PCSK5: variants seen among roughly 807,000 people sequenced by gnomAD.
PCSK5 encodes the protein proprotein convertase subtilisin/kexin type 5, also known as prohormone convertase 5.
In PCSK5, 129 loss-of-function variants were observed where a neutral mutation model predicts 233.2. The ratio of observed to expected loss-of-function variants is 0.55; its 90% CI spans 0.48 to 0.64. The LOEUF is 0.64. Ranked by LOEUF, PCSK5 falls within the 30% of genes least tolerant of loss-of-function variation. The pLI, the probability that PCSK5 is intolerant of heterozygous loss-of-function variation, is 0.00. For missense variants in PCSK5, 2,076 were observed against 2,430.1 expected, an observed-to-expected ratio of 0.85 and a Z score of 3.06; for synonymous variants, 825 against 879.2, an observed-to-expected ratio of 0.94 and a Z score of 1.09.
chr9:76,226,044 A>C (rs1311452200), intron 20 of PCSK5, among the ~76,000 whole-genome samples: 2 of 152,310 alleles, frequency 1.3e-5, no homozygotes, highest in South Asian at 2.1e-4. Flanking sequence ...TAAGAATCAC[A>C]GTCCCATTCC....
chr9:76,063,348 T>TTTTTTA (rs1564004101), intron 5 of PCSK5, among the ~76,000 whole-genome samples: 10 of 90,706 alleles, frequency 1.1e-4, no homozygotes, highest in South Asian at 8.2e-4. Context: ...TTTTTTTTTT[T>TTTTTTA]ATTGATAATT....
chr9:76,133,066 C>T lies in PCSK5; in HGVS notation c.1209-1043C>T, dbSNP rs1822826100. Among the ~76,000 whole-genome samples the T allele has an allele frequency of 2.0e-5, 3 of 152,054 alleles. No homozygotes were observed. In the South Asian group the frequency reaches 6.2e-4, roughly 32 times the overall value. On this transcript the variant is annotated intron_variant, in intron 9 of 37. Coordinates refer to ENST00000674117, the MANE Select transcript of PCSK5 (RefSeq NM_001372043.1). ...AGAAAGACTACCCCAAGCCCCATCA[C>T]ACCTCAAGGCAGGTAGTGAGTAATT... is the stretch of plus-strand genomic sequence containing the variant.
At chr9:76,136,160 G>A (rs930607376) in intron 10 of PCSK5, among the ~76,000 whole-genome samples, 1 of 151,716 alleles carries the variant, frequency 6.6e-6, no homozygotes, top group African/African-American at 2.4e-5. Flanking sequence ...CAGTGGGATT[G>A]TTTTGTAATT....
At chr9:76,271,348 T>C (rs1330336314) in intron 24 of PCSK5, among the ~76,000 whole-genome samples, 2 of 152,234 alleles carry the variant, frequency 1.3e-5, no homozygotes, top group Non-Finnish European at 2.9e-5. Context: ...CATCTGGGCA[T>C]ATGAGTTCCT....
rs559864152 is a variant in PCSK5, at chr9:75,894,325, G to A, written c.192+2952G>A. On this transcript the variant is annotated intron_variant, in intron 1 of 37. Coordinates refer to ENST00000674117, the MANE Select transcript of PCSK5 (RefSeq NM_001372043.1). ...TAGCATCTTAGCATTTGAAAGTCAC[G>A]AGAGGTAAGATTTCTGGCCAGGGCA... Among the ~76,000 whole-genome samples, 6 of 152,158 alleles carry A rather than the reference G, an allele frequency of 3.9e-5. No homozygotes were observed. In the East Asian group the frequency reaches 1.2e-3, roughly 29 times the overall value.
intron 20 of PCSK5, among the ~76,000 whole-genome samples, chr9:76,212,830 C>T (rs890193346): frequency 3.3e-5 from 5 of 152,100 alleles, no homozygotes; most frequent in Non-Finnish European, 5.9e-5. Context: ...TTTTTTTGCA[C>T]CTATGGAAAC....
chr9:75,988,899 G>A (rs751876314), intron 3 of PCSK5, among the ~76,000 whole-genome samples: 17 of 152,164 alleles, frequency 1.1e-4, no homozygotes, highest in Admixed American at 4.6e-4. Context: ...ACAACATCCT[G>A]TCTCCACCCT....
chr9:76,158,707 G>C (rs1438120578), intron 11 of PCSK5, among the ~76,000 whole-genome samples: 1 of 152,144 alleles, frequency 6.6e-6, no homozygotes, highest in African/African-American at 2.4e-5. Context: ...CCAGCAATCT[G>C]TGTTTTAACA....
chr9:76,265,335 C>T (rs1827302365), intron 24 of PCSK5, among the ~76,000 whole-genome samples: 1 of 151,822 alleles, frequency 6.6e-6, no homozygotes, highest in African/African-American at 2.4e-5. Context: ...TACCCTAAAC[C>T]ACAGTGTCAC....
At chr9:76,120,132 T>C (rs1408642114) in intron 9 of PCSK5, among the ~76,000 whole-genome samples, 1 of 152,080 alleles carries the variant, frequency 6.6e-6, no homozygotes, top group Non-Finnish European at 1.5e-5. Flanking sequence ...AGGATGTAAA[T>C]TGAGTTTTTA....
At chr9:76,030,731 G>A (rs1395363405) in intron 5 of PCSK5, among the ~76,000 whole-genome samples, 1 of 151,884 alleles carries the variant, frequency 6.6e-6, no homozygotes, top group East Asian at 1.9e-4. Context: ...TTGAATATTG[G>A]CTTTGATGGC....
At chr9:76,146,880 C>G (rs1008409863) in intron 10 of PCSK5, among the ~76,000 whole-genome samples, 6 of 152,020 alleles carry the variant, frequency 3.9e-5, no homozygotes, top group Admixed American at 6.6e-5. Context: ...GTGAATAATA[C>G]CATCTTGCTA....
At chr9:76,189,440 A>C (rs1175565524) in intron 19 of PCSK5, among the ~76,000 whole-genome samples, 191 bp from the exon 20 acceptor site, 1 of 152,204 alleles carries the variant, frequency 6.6e-6, no homozygotes. Flanking sequence ...TTCAATTTCA[A>C]GTACATGCTC....
At chr9:76,287,762 A>T (rs956612205) in intron 24 of PCSK5, 1 of 179,648 alleles carries the variant, frequency 5.6e-6, no homozygotes, top group Non-Finnish European at 1.2e-5. Context: ...CCCGGCCAGC[A>T]TGTCCTCTTT....
chr9:76,135,908 G>A (rs1822951630), intron 10 of PCSK5, among the ~76,000 whole-genome samples: 1 of 152,058 alleles, frequency 6.6e-6, no homozygotes, highest in African/African-American at 2.4e-5. Flanking sequence ...TAACAAAAAT[G>A]CAGCTCTTCT....
In PCSK5 at chr9:76,328,064, G is replaced by A. The variant is rs1364262859; in HGVS notation, c.4395G>A (p.Gln1465=). ...CATCTGGGACCTGCACCACCTGTCAGAAAGGCCTGATCATGAACCCTCGTG... is the reference window on the plus strand; with the variant it reads ...CATCTGGGACCTGCACCACCTGTCAAAAAGGCCTGATCATGAACCCTCGTG... The part of the protein sequence containing the change: ...CSSSGTCTTC[Q]KGLIMNPRGS... The change falls in exon 33 of 38, where the codon CAG becomes CAA. Residue 1465 remains glutamine (Q), a synonymous_variant. Coordinates refer to ENST00000674117, the MANE Select transcript of PCSK5 (RefSeq NM_001372043.1). The A allele has an allele frequency of 6.2e-6, 10 of 1,612,772 alleles. No individual in the cohort carries two copies. Among genetic ancestry groups the A allele is most frequent in the Non-Finnish European group, 8.5e-6 (10 of 1,179,866 alleles).
chr9:76,061,026 A>G (rs1830010204), intron 5 of PCSK5, among the ~76,000 whole-genome samples: 1 of 152,186 alleles, frequency 6.6e-6, no homozygotes, highest in Non-Finnish European at 1.5e-5. Context: ...ATAGTCACTA[A>G]ATATCTTTTT....
In PCSK5 at chr9:76,159,073, C is replaced by T. The variant is rs759164453; in HGVS notation, c.1521C>T (p.His507=). Residue 507 remains histidine, a synonymous_variant, in exon 12 of 38, where the codon CAC becomes CAT. Coordinates refer to ENST00000674117, the MANE Select transcript of PCSK5 (RefSeq NM_001372043.1). ...NPNRHVNYLE[H]VVVRITITHP... ...ACCGCCATGTCAACTACCTGGAGCA[C>T]GTCGTTGTGCGCATCACCATCACCC... 13 of 1,614,060 alleles carry T rather than the reference C, an allele frequency of 8.1e-6. No individual in the cohort carries two copies. The highest frequency in any genetic ancestry group is 1.7e-4 in the Middle Eastern group (1 of 6,060).
chr9:76,343,048 A>G (rs1006215251), intron 35 of PCSK5, among the ~76,000 whole-genome samples: 3 of 152,142 alleles, frequency 2.0e-5, no homozygotes, highest in Non-Finnish European at 4.4e-5. Context: ...TACCTTTAGC[A>G]TTAGTCACCC....
Sources: gnomAD v4.1 joint callset for allele counts (sites outside exome capture counted in the v4.1 genomes callset) on GRCh38, gnomAD v4.1.1 for gene constraint, MANE v1.5 for transcripts, NCBI Gene and HGNC (gene_info 2026-07-23, HGNC 2026-07-21) for gene names.